NARS2: variants seen among roughly 807,000 people sequenced by gnomAD.
NARS2 encodes the protein asparaginyl-tRNA synthetase 2, mitochondrial.
In NARS2, 60 loss-of-function variants were observed where a neutral mutation model predicts 62.9. The ratio of observed to expected loss-of-function variants is 0.95; its 90% CI spans 0.77 to 1.18. The LOEUF is 1.18. NARS2 is among the 50% of genes most tolerant of loss of function. The pLI is 0.00. For synonymous variants in NARS2, 196 were observed against 200.0 expected (o/e 0.98, Z 0.17); for missense variants, 619 against 576.4 (o/e 1.07, Z -0.76).
chr11:78,494,764 C>T (rs1370537545), intron 6 of NARS2, among the ~76,000 whole-genome samples: 1 of 152,246 alleles, frequency 6.6e-6, no homozygotes, highest in South Asian at 2.1e-4. Flanking sequence ...TTGAAAAAGA[C>T]TAAACCTACC....
intron 6 of NARS2, among the ~76,000 whole-genome samples, chr11:78,514,436 A>G (rs912794390): frequency 6.6e-6 from 1 of 152,190 alleles, no homozygotes; most frequent in Non-Finnish European, 1.5e-5. Context: ...ATTTCTTTAT[A>G]GCAGTGCAAA....
At chr11:78,449,157 T>TCCC (rs937993626) in intron 11 of NARS2, among the ~76,000 whole-genome samples, 3 of 139,830 alleles carry the variant, frequency 2.1e-5, no homozygotes, top group African/African-American at 8.3e-5. Context: ...TTTTTTTGAG[T>TCCC]TGGAGTCTTG....
chr11:78,565,921 A>T (rs1183217416), intron 4 of NARS2, among the ~76,000 whole-genome samples: 1 of 152,194 alleles, frequency 6.6e-6, no homozygotes, highest in East Asian at 1.9e-4. Context: ...CTGTGTGCAA[A>T]CCCACAACAC....
chr11:78,568,269 A>G lies in NARS2; in HGVS notation c.372+363T>C, dbSNP rs115959666. On this transcript the variant is annotated intron_variant, in intron 3 of 13. Transcript: ENST00000281038. ...TTAATGGATTTAATACCAAACAGCCAAAGGTGGCTAGAGCCTACCATTATT... is the reference window on the plus strand; with the variant it reads ...TTAATGGATTTAATACCAAACAGCCGAAGGTGGCTAGAGCCTACCATTATT... Among the ~76,000 whole-genome samples, 1,316 of 152,290 alleles carry G rather than the reference A, an allele frequency of 8.6e-3. 18 individuals carry two copies. Among genetic ancestry groups the G allele is most frequent in the African/African-American group, 0.03 (1,244 of 41,546 alleles).
chr11:78,454,468 C>T (rs759921560), intron 11 of NARS2, among the ~76,000 whole-genome samples: 3 of 152,142 alleles, frequency 2.0e-5, no homozygotes, highest in Admixed American at 6.5e-5. Flanking sequence ...CTCTGTTTTG[C>T]TGTGTGACAT....
chr11:78,565,886 C>G (rs1338362235), intron 4 of NARS2, among the ~76,000 whole-genome samples: 1 of 152,130 alleles, frequency 6.6e-6, no homozygotes, highest in Admixed American at 6.5e-5. Context: ...AGCAAGACCT[C>G]AAAGGATCAA....
intron 6 of NARS2, among the ~76,000 whole-genome samples, chr11:78,527,196 T>TA (rs1243019745): frequency 6.6e-6 from 1 of 152,226 alleles, no homozygotes. Context: ...TTCCAACTAT[T>TA]AAAATGTCTA....
intron 9 of NARS2, among the ~76,000 whole-genome samples, chr11:78,476,089 T>A (rs559709633): frequency 6.6e-6 from 1 of 152,208 alleles, no homozygotes; most frequent in African/African-American, 2.4e-5. Context: ...ATGCTGAGGC[T>A]AGGTGGGGTG....
At chr11:78,507,832 T>A (rs571606531) in intron 6 of NARS2, among the ~76,000 whole-genome samples, 33 of 151,444 alleles carry the variant, frequency 2.2e-4, no homozygotes, top group African/African-American at 7.3e-4. Context: ...GTTTTCATTT[T>A]TAAAAAAATC....
chr11:78,466,448 T>C (rs1054161879), intron 10 of NARS2, among the ~76,000 whole-genome samples: 1 of 152,324 alleles, frequency 6.6e-6, no homozygotes, highest in African/African-American at 2.4e-5. Context: ...ATTCCTAATA[T>C]TGAGCCTATC....
chr11:78,437,668 T>C (rs1429456894), intron 13 of NARS2, among the ~76,000 whole-genome samples: 5 of 152,254 alleles, frequency 3.3e-5, no homozygotes, highest in Non-Finnish European at 7.4e-5. Context: ...TCTTGAGTTA[T>C]ATAATATTGA....
chr11:78,529,295 T>C (rs1471345264), intron 5 of NARS2, among the ~76,000 whole-genome samples: 1 of 152,244 alleles, frequency 6.6e-6, no homozygotes. Context: ...AAGGTTGACT[T>C]ATGATTGAGA....
intron 6 of NARS2, among the ~76,000 whole-genome samples, chr11:78,519,430 G>A (rs920653995): frequency 1.4e-4 from 22 of 152,226 alleles, no homozygotes; most frequent in African/African-American, 5.3e-4. Context: ...AAATAAACTT[G>A]AGGAAGAAAA....
At chr11:78,450,546 G>A (rs1211754407) in intron 11 of NARS2, among the ~76,000 whole-genome samples, 1 of 151,218 alleles carries the variant, frequency 6.6e-6, no homozygotes, top group Non-Finnish European at 1.5e-5. Flanking sequence ...TAAGATACCT[G>A]TATCTTTTGA....
At chr11:78,508,936 G>A (rs923822232) in intron 6 of NARS2, among the ~76,000 whole-genome samples, 6 of 151,828 alleles carry the variant, frequency 4.0e-5, no homozygotes, top group African/African-American at 7.3e-5. Context: ...CCAACAGGAC[G>A]ACATCCTGTT....
intron 5 of NARS2, among the ~76,000 whole-genome samples, chr11:78,541,608 G>T (rs1307436259): frequency 6.6e-6 from 1 of 152,126 alleles, no homozygotes; most frequent in East Asian, 1.9e-4. Context: ...TACTCGGGAG[G>T]CTGAGGCAGG....
intron 11 of NARS2, among the ~76,000 whole-genome samples, chr11:78,462,343 G>A (rs60867270): frequency 0.02 from 3,088 of 152,218 alleles, 106 homozygotes; most frequent in African/African-American, 0.071. Flanking sequence ...GCAACCTGGG[G>A]GCCAATTACA....
At chr11:78,498,090 G>C (rs1026620469) in intron 6 of NARS2, among the ~76,000 whole-genome samples, 6 of 152,140 alleles carry the variant, frequency 3.9e-5, no homozygotes, top group African/African-American at 1.2e-4. Flanking sequence ...TTCTAGCAAA[G>C]CAAACACCAA....
intron 5 of NARS2, among the ~76,000 whole-genome samples, chr11:78,549,576 C>G (rs1484177401): frequency 1.3e-5 from 2 of 152,164 alleles, no homozygotes; most frequent in African/African-American, 4.8e-5. Context: ...CTGGGAAGAG[C>G]CTTTTTGGGG....
Sources: allele counts gnomAD v4.1 joint callset (sites outside exome capture counted in the v4.1 genomes callset), GRCh38; gene constraint gnomAD v4.1.1; transcripts MANE v1.5; gene names NCBI Gene and HGNC (gene_info 2026-07-23, HGNC 2026-07-21).